Variants in TUB observed in about 807,000 individuals in gnomAD.
TUB encodes the protein TUB bipartite transcription factor, also known as tubby protein homolog.
A neutral mutation model predicts 59.7 loss-of-function variants in TUB; 33 were observed. The ratio of observed to expected loss-of-function variants is 0.55; its 90% CI spans 0.42 to 0.74. The LOEUF (loss-of-function observed/expected upper bound fraction) is 0.74, where lower values mean the gene tolerates loss of function less well. TUB is among the 30% of genes least tolerant of loss of function. The pLI is 0.00. For synonymous variants in TUB, 293 were observed against 256.4 expected, an observed-to-expected ratio of 1.14 and a Z score of -1.36; for missense variants, 659 against 672.0, an observed-to-expected ratio of 0.98 and a Z score of 0.21.
In TUB at chr11:8,097,708, C is replaced by A; in HGVS notation, c.886-6C>A. On this transcript the variant is annotated splice_region_variant and splice_polypyrimidine_tract_variant and intron_variant, in intron 7 of 11. Coordinates refer to ENST00000299506, the MANE Select transcript of TUB (RefSeq NM_177972.3). Reference sequence around the variant, plus strand: ...TCTGGAATATGACCTCATTCCACTCCCCAAGGTGTTCCTCCTGGCGGGAAG... The same window carrying A: ...TCTGGAATATGACCTCATTCCACTCACCAAGGTGTTCCTCCTGGCGGGAAG... 6.2e-7 allele frequency: 1 copy of A among 1,610,722 alleles called. No individual in the cohort carries two copies. Among genetic ancestry groups the A allele is most frequent in the Non-Finnish European group, 8.5e-7 (1 of 1,177,512 alleles).
rs939683390 is a variant in TUB at position 8,105,941 on chromosome 11, C to G, written c.*4322C>G. On this transcript the variant is annotated 3_prime_UTR_variant, in exon 12 of 12. Coordinates refer to ENST00000299506, the MANE Select transcript of TUB (RefSeq NM_177972.3). ...GCAGTATCTCTTGCTGGGAACACAG[C>G]CAGTTTTCACAATGCCTAGACTGTG... is the stretch of plus-strand genomic sequence containing the variant. 11 of 152,172 alleles carry G rather than the reference C, an allele frequency of 7.2e-5. No individual in the cohort carries two copies. The highest frequency in any genetic ancestry group is 1.3e-4 in the Admixed American group (2 of 15,278). The allele number at this position is 152,172 out of a possible 1,614,324, so 9.4% of individuals were successfully genotyped here. A position where few individuals can be genotyped will look rare whatever the true frequency, so the allele number is the denominator to read the frequency against.
chr11:8,105,819 C>G lies in TUB; in HGVS notation c.*4200C>G, dbSNP rs1369971792. Reference sequence around the variant, plus strand: ...TGTCCCTCCCTCCCCCTAGCAAGGTCCAGGCAAAGCTGGAGATGAGGCTGA... The same window carrying G: ...TGTCCCTCCCTCCCCCTAGCAAGGTGCAGGCAAAGCTGGAGATGAGGCTGA... On this transcript the variant is annotated 3_prime_UTR_variant, in exon 12 of 12. Coordinates refer to ENST00000299506, the MANE Select transcript of TUB (RefSeq NM_177972.3). The G allele has an allele frequency of 6.6e-6, 1 of 152,190 alleles. No individual in the cohort carries two copies. Among genetic ancestry groups the G allele is most frequent in the Non-Finnish European group, 1.5e-5 (1 of 68,032 alleles). The allele number at this position is 152,190 out of a possible 1,614,324, so 9.4% of individuals were successfully genotyped here. A position where few individuals can be genotyped will look rare whatever the true frequency, so the allele number is the denominator to read the frequency against.
At chr11:8,066,517 A>G (rs60194537) in intron 2 of TUB, among the ~76,000 whole-genome samples, 4,289 of 152,328 alleles carry the variant, frequency 0.028, 207 homozygotes, top group African/African-American at 0.099. Context: ...CTCTGGAGGC[A>G]GCAGGGCTGT....
upstream of TUB, among the ~76,000 whole-genome samples, chr11:8,078,558 T>A (rs75340891): frequency 6.6e-6 from 1 of 152,122 alleles, no homozygotes; most frequent in Non-Finnish European, 1.5e-5. Context: ...ACGGAAGTCA[T>A]TTGAGTGGAA....
chr11:8,101,888 GGTA>G lies in TUB; in HGVS notation c.*275_*277del, dbSNP rs1944324017. The G allele has an allele frequency of 8.8e-5, 43 of 488,868 alleles. 1 individual carries two copies. The South Asian group carries it at 1.1e-3, about 13-fold the overall frequency. 30.3% of individuals were successfully genotyped at this position (488,868 alleles called of 1,614,324 possible). A position where few individuals can be genotyped will look rare whatever the true frequency, so the allele number is the denominator to read the frequency against. On this transcript the variant is annotated 3_prime_UTR_variant, in exon 12 of 12. Transcript: ENST00000299506. Reference sequence around the variant, plus strand: ...GATCAACACACACTCCCACCCTTGGGGTAGTAGTGTGTTGTAGTCGTACTTACC... The same window carrying G: ...GATCAACACACACTCCCACCCTTGGGGTAGTGTGTTGTAGTCGTACTTACC...
upstream of TUB, among the ~76,000 whole-genome samples, chr11:8,080,200 G>A (rs148893450): frequency 1.3e-5 from 2 of 152,322 alleles, no homozygotes; most frequent in African/African-American, 4.8e-5. Flanking sequence ...CTTCTGGCGC[G>A]GTTGGCGCGG....
At chr11:8,070,907 A>G (rs956299069) in intron 2 of TUB, among the ~76,000 whole-genome samples, 6 of 152,184 alleles carry the variant, frequency 3.9e-5, no homozygotes, top group Non-Finnish European at 1.5e-5. Flanking sequence ...ATAGATTTGC[A>G]TTATGAAAAA....
At chr11:8,089,970 T>C in intron 2 of TUB, 99 bp from the exon 3 acceptor site, 11 of 1,436,268 alleles carry the variant, frequency 7.7e-6, no homozygotes, top group South Asian at 4.4e-5. Flanking sequence ...GCCAAGGACA[T>C]GGGGCCTTGG....
chr11:8,049,474 C>A (rs552325967), intron 2 of TUB, among the ~76,000 whole-genome samples: 2 of 151,768 alleles, frequency 1.3e-5, no homozygotes, highest in Admixed American at 6.6e-5. Context: ...AGCAAAGAGA[C>A]AATGCATACC....
rs1357258651 is a variant in TUB, at chr11:8,094,164, G to A, written c.372G>A (p.Arg124=). ...ATAGGQGGAA[R]KEKKGKHKGT... ...CAGGGGGCCAGGGTGGCGCCGCTAGGAAGGAGAAGAAGGGAAAGCACAAAG... is the reference window on the plus strand; with the variant it reads ...CAGGGGGCCAGGGTGGCGCCGCTAGAAAGGAGAAGAAGGGAAAGCACAAAG... The change falls in exon 4 of 12, where the codon AGG becomes AGA. Residue 124 remains arginine (R), a synonymous_variant. Transcript: ENST00000299506. 2 of 1,613,630 alleles carry A rather than the reference G, an allele frequency of 1.2e-6. No homozygotes were observed. The highest frequency in any genetic ancestry group is 1.1e-5 in the South Asian group (1 of 91,016).
At chr11:8,069,781 C>T (rs1239918135) in intron 2 of TUB, among the ~76,000 whole-genome samples, 1 of 152,020 alleles carries the variant, frequency 6.6e-6, no homozygotes, top group Admixed American at 6.5e-5. Context: ...CCCAGTCTGC[C>T]CTAATCATGG....
chr11:8,067,152 G>C (rs1399937377), intron 2 of TUB, among the ~76,000 whole-genome samples: 2 of 152,202 alleles, frequency 1.3e-5, no homozygotes, highest in East Asian at 1.9e-4. Flanking sequence ...ATGAGGTCCA[G>C]CTTCTCCAGC....
intron 1 of TUB, chr11:8,039,567 G>A (rs2133729755): frequency 7.7e-7 from 1 of 1,304,946 alleles, no homozygotes; most frequent in Non-Finnish European, 1.0e-6. Flanking sequence ...GAGTGACCAG[G>A]TGTGGCCAGG....
intron 2 of TUB, among the ~76,000 whole-genome samples, chr11:8,056,368 G>A (rs192299719): frequency 2.0e-4 from 31 of 152,286 alleles, no homozygotes; most frequent in African/African-American, 3.6e-4. Context: ...ATGCCTGTGC[G>A]TGGGGGTGGC....
In TUB at chr11:8,098,469, G is replaced by A. The variant is rs76408561; in HGVS notation, c.999-289G>A. ...CATTCTGTTTGCTCACCTCCCATGAGGAGAACTCCCATGTTCCCCCAGATA... is the reference window on the plus strand; with the variant it reads ...CATTCTGTTTGCTCACCTCCCATGAAGAGAACTCCCATGTTCCCCCAGATA... On this transcript the variant is annotated intron_variant, in intron 8 of 11. Coordinates refer to ENST00000299506, the MANE Select transcript of TUB (RefSeq NM_177972.3). Among the ~76,000 whole-genome samples the A allele has an allele frequency of 4.6e-3, 699 of 152,214 alleles. 7 individuals carry two copies. Among genetic ancestry groups the A allele is most frequent in the African/African-American group, 0.016 (671 of 41,534 alleles).
At chr11:8,097,113 C>A in intron 6 of TUB, 115 bp from the exon 7 acceptor site, 1 of 1,222,530 alleles carries the variant, frequency 8.2e-7, no homozygotes, top group Non-Finnish European at 1.2e-6. Context: ...GCCCCAATCC[C>A]AGGATCCTTC....
In TUB at chr11:8,081,305, C is replaced by T. The variant is rs1943556277; in HGVS notation, c.-206C>T. 1 of 918,698 alleles carries T rather than the reference C, an allele frequency of 1.1e-6. No individual in the cohort carries two copies. Among genetic ancestry groups the T allele is most frequent in the Non-Finnish European group, 1.3e-6 (1 of 769,160 alleles). 56.9% of individuals were successfully genotyped at this position (918,698 alleles called of 1,614,324 possible). ...ACCCGCGCACTCCCGGAGCTTCGCC[C>T]ATCTCGCCTCGCCGCGCCGCGCAGG... On this transcript the variant is annotated 5_prime_UTR_variant, in exon 1 of 12. Transcript: ENST00000299506.
chr11:8,094,591 G>A (rs1484384383), intron 4 of TUB, among the ~76,000 whole-genome samples: 1 of 152,152 alleles, frequency 6.6e-6, no homozygotes, highest in East Asian at 1.9e-4. Flanking sequence ...TGCAGCCCTC[G>A]CCGTCAGCTC....
At chr11:8,045,717 G>C (rs1942820150) in intron 2 of TUB, among the ~76,000 whole-genome samples, 1 of 152,192 alleles carries the variant, frequency 6.6e-6, no homozygotes, top group African/African-American at 2.4e-5. Flanking sequence ...TTTTGGATAA[G>C]GGATATTCAT....
Sources: allele counts gnomAD v4.1 joint callset (sites outside exome capture counted in the v4.1 genomes callset), GRCh38; gene constraint gnomAD v4.1.1; transcripts MANE v1.5; gene names NCBI Gene and HGNC (gene_info 2026-07-23, HGNC 2026-07-21).